The following KIF14 variants were observed in gnomAD, a reference collection of about 807,000 sequenced individuals.
The protein encoded by KIF14 is kinesin family member 14.
In KIF14, 98 loss-of-function variants were observed where a neutral mutation model predicts 176.2. The observed-to-expected ratio is 0.56, with a 90% CI of 0.47 to 0.66. The LOEUF is 0.66. Ranked by LOEUF, KIF14 falls within the 30% of genes least tolerant of loss-of-function variation. The pLI, the probability that KIF14 is intolerant of heterozygous loss-of-function variation, is 0.00. For synonymous variants in KIF14, 566 were observed against 632.2 expected, an observed-to-expected ratio of 0.90 and a Z score of 1.57; for missense variants, 1,751 against 1,920.4, an observed-to-expected ratio of 0.91 and a Z score of 1.65.
Position 200,606,915 on chromosome 1 carries a change from A to AG in KIF14, c.1555-118dup. 3 of 863,506 alleles carry AG rather than the reference A, an allele frequency of 3.5e-6. No individual in the cohort carries two copies. The South Asian group carries it at 4.7e-5, about 13-fold the overall frequency. 53.5% of individuals were successfully genotyped at this position (863,506 alleles called of 1,614,324 possible). A position where few individuals can be genotyped will look rare whatever the true frequency, so the allele number is the denominator to read the frequency against. On this transcript the variant is annotated intron_variant, in intron 5 of 29. Transcript: ENST00000367350. ...TAAGAGATTTGTCTTTATTTTATCC[A>AG]GGAAAAAAAAAAACCACAAAAACTC...
At chr1:200,588,740 A>G (rs1216030257) in intron 18 of KIF14, among the ~76,000 whole-genome samples, 1 of 152,210 alleles carries the variant, frequency 6.6e-6, no homozygotes, top group African/African-American at 2.4e-5. Context: ...TCTATCCTCA[A>G]TGACATGATA....
At chr1:200,580,719 C>T (rs1450578504) in intron 20 of KIF14, among the ~76,000 whole-genome samples, 1 of 152,062 alleles carries the variant, frequency 6.6e-6, no homozygotes, top group Non-Finnish European at 1.5e-5. Flanking sequence ...TGAAATCTCT[C>T]TTAATCCAGA....
chr1:200,567,366 C>T (rs1304372398), intron 23 of KIF14, among the ~76,000 whole-genome samples: 1 of 151,686 alleles, frequency 6.6e-6, no homozygotes, highest in East Asian at 1.9e-4. Flanking sequence ...ACAGTGAAAC[C>T]CCGTCTCTAC....
chr1:200,583,404 A>G (rs1194937871), intron 19 of KIF14, among the ~76,000 whole-genome samples: 1 of 152,170 alleles, frequency 6.6e-6, no homozygotes, highest in African/African-American at 2.4e-5. Flanking sequence ...AAGTGTGTAC[A>G]CCTTAAATGA....
intron 5 of KIF14, among the ~76,000 whole-genome samples, chr1:200,608,240 T>C (rs1298084275): frequency 6.6e-6 from 1 of 152,202 alleles, no homozygotes; most frequent in African/African-American, 2.4e-5. Flanking sequence ...GTGTTCAACT[T>C]ACATGGTCCA....
At chr1:200,585,731 G>C (rs144571823) in intron 19 of KIF14, among the ~76,000 whole-genome samples, 21 of 152,184 alleles carry the variant, frequency 1.4e-4, no homozygotes, top group Non-Finnish European at 2.5e-4. Flanking sequence ...TGGTGGAAGA[G>C]GTGAGGGGAC....
intron 18 of KIF14, among the ~76,000 whole-genome samples, chr1:200,587,558 T>C (rs998616604): frequency 1.2e-4 from 18 of 152,162 alleles, no homozygotes; most frequent in Non-Finnish European, 2.2e-4. Flanking sequence ...CTCATGCCTA[T>C]AATCCCAGCA....
intron 27 of KIF14, among the ~76,000 whole-genome samples, chr1:200,558,489 G>C (rs1366543194): frequency 2.6e-5 from 4 of 152,102 alleles, no homozygotes; most frequent in South Asian, 4.1e-4. Flanking sequence ...TGGGTAATTA[G>C]GCAAAATACT....
intron 14 of KIF14, among the ~76,000 whole-genome samples, chr1:200,596,818 C>A (rs1447666698): frequency 6.6e-6 from 1 of 151,372 alleles, no homozygotes; most frequent in Non-Finnish European, 1.5e-5. Context: ...GCCGCCTCAG[C>A]CTCCCAAACT....
rs777973716 is a variant in KIF14, at chr1:200,615,509, C to T, written c.1213G>A (p.Val405Ile). 2 of 1,613,996 alleles carry T rather than the reference C, an allele frequency of 1.2e-6. No homozygotes were observed. Among genetic ancestry groups the T allele is most frequent in the East Asian group, 2.2e-5 (1 of 44,876 alleles). ...CATTCATCAAAAGACCAGAATGAAA[C>T]ATCATAAATAAAATTATAAACTTGT... ...TKQVYNFIYD[V>I]SFWSFDECHP... Residue 405 changes from valine (V) to isoleucine (I), a missense_variant, in exon 3 of 30, where the codon GTT becomes ATT. Physicochemically the swap from Val to Ile is conservative, Grantham distance 29. Transcript: ENST00000367350.
rs1235002177 is a variant in KIF14, at chr1:200,605,242, G to C, written c.1746+41C>G. The C allele has an allele frequency of 2.0e-6, 3 of 1,529,790 alleles. No homozygotes were observed. The South Asian group carries it at 3.4e-5, about 17-fold the overall frequency. The allele number at this position is 1,529,790 out of a possible 1,614,324, so 94.8% of individuals were successfully genotyped here. A position where few individuals can be genotyped will look rare whatever the true frequency, so the allele number is the denominator to read the frequency against. On this transcript the variant is annotated intron_variant, in intron 8 of 29. Coordinates refer to ENST00000367350, the MANE Select transcript of KIF14 (RefSeq NM_014875.3). ...ATACCTTGGTCTGGGTTATCACCAG[G>C]GTGAAAACTGAAAGAGATCGGGAAC... is the stretch of plus-strand genomic sequence containing the variant.
rs1291630099 is a variant in KIF14 at position 200,608,905 on chromosome 1, G to C, written c.1479C>G (p.Ser493Arg). 6.2e-7 allele frequency: 1 copy of C among 1,604,388 alleles called. No individual in the cohort carries two copies. Among genetic ancestry groups the C allele is most frequent in the Non-Finnish European group, 8.5e-7 (1 of 1,171,990 alleles). Residue 493 changes from serine (S) to arginine (R), a missense_variant, in exon 5 of 30, where the codon AGC becomes AGG. Ser to Arg is a moderately radical substitution (Grantham distance 110). Transcript: ENST00000367350. ...TTTTTTCATTATATACTTCAAAGAA[G>C]CTCATTTCAATGTGATAGCTGACCT... ...TQEVSYHIEM[S>R]FFEVYNEKIH... is the part of the protein sequence containing the mutation.
chr1:200,559,278 C>A, intron 27 of KIF14, 52 bp downstream of exon 27: 1 of 1,179,742 alleles, frequency 8.5e-7, no homozygotes, highest in Non-Finnish European at 1.1e-6. Flanking sequence ...CTGAAAAAAT[C>A]AACTTTATAT....
Position 200,580,277 on chromosome 1 carries a change from C to A in KIF14, c.3442G>T (p.Ala1148Ser). ...WSLEKFESKL[A>S]AMKELYESNG... ...ACCTCATAAAGTTCTTTCATTGCTG[C>A]AAGTTTAGATTCAAACTTTTCCAGA... is the stretch of plus-strand genomic sequence containing the variant. The change falls in exon 21 of 30, where the codon GCA becomes TCA. Residue 1148 changes from alanine (A) to serine (S), a missense_variant. By Grantham distance (99) the Ala-to-Ser change is moderately conservative. Transcript: ENST00000367350. The A allele has an allele frequency of 6.9e-7, 1 of 1,457,868 alleles. No homozygotes were observed. The highest frequency in any genetic ancestry group is 9.1e-7 in the Non-Finnish European group (1 of 1,093,648). The allele number at this position is 1,457,868 out of a possible 1,614,324, so 90.3% of individuals were successfully genotyped here. A position where few individuals can be genotyped will look rare whatever the true frequency, so the allele number is the denominator to read the frequency against.
At chr1:200,594,833 C>T (rs1659247643) in intron 14 of KIF14, among the ~76,000 whole-genome samples, 1 of 152,214 alleles carries the variant, frequency 6.6e-6, no homozygotes, top group South Asian at 2.1e-4. Flanking sequence ...GAGAAAAGTA[C>T]ATGGAAACAA....
At chr1:200,611,380 C>A (rs1168047805) in intron 4 of KIF14, among the ~76,000 whole-genome samples, 1 of 152,076 alleles carries the variant, frequency 6.6e-6, no homozygotes, top group Non-Finnish European at 1.5e-5. Flanking sequence ...CAATACAGTA[C>A]ATGAGTAATA....
intron 19 of KIF14, 58 bp downstream of exon 19, chr1:200,586,043 T>C: frequency 1.7e-6 from 2 of 1,204,766 alleles, no homozygotes; most frequent in East Asian, 2.6e-5. Context: ...TTAGTAATTA[T>C]ATTACATATA....
rs1230054222 is a variant in KIF14, at chr1:200,593,101, A to G, written c.2652+566T>C. ...CCAATTTTAGGAATGAGGAAACTAA[A>G]CAGCACAAAGCTTAATAATAACAAG... is the stretch of plus-strand genomic sequence containing the variant. On this transcript the variant is annotated intron_variant, in intron 15 of 29. Transcript: ENST00000367350. Among the ~76,000 whole-genome samples, 3 of 152,216 alleles carry G rather than the reference A, an allele frequency of 2.0e-5. No individual in the cohort carries two copies. The East Asian group carries it at 5.8e-4, about 29-fold the overall frequency.
At chr1:200,612,899 T>G (rs1371069549) in intron 4 of KIF14, among the ~76,000 whole-genome samples, 7 of 143,964 alleles carry the variant, frequency 4.9e-5, no homozygotes, top group Non-Finnish European at 7.6e-5. Flanking sequence ...TTTTTTTTTT[T>G]TTTTTTGAGA....
Sources: allele counts gnomAD v4.1 joint callset (sites outside exome capture counted in the v4.1 genomes callset), GRCh38; gene constraint gnomAD v4.1.1; transcripts MANE v1.5; gene names NCBI Gene and HGNC (gene_info 2026-07-23, HGNC 2026-07-21).